IRS1: variants seen among roughly 807,000 people sequenced by gnomAD.
IRS1 encodes the protein insulin receptor substrate 1.
In IRS1, 34 loss-of-function variants were observed where a neutral mutation model predicts 65.6. The observed-to-expected ratio is 0.52, with a 90% CI of 0.39 to 0.69. The LOEUF (loss-of-function observed/expected upper bound fraction) is 0.69. IRS1 is among the 30% of genes least tolerant of loss of function. The pLI is 0.00. For synonymous variants in IRS1, 699 were observed against 683.5 expected (o/e 1.02, Z -0.35); for missense variants, 1,641 against 1,720.2 (o/e 0.95, Z 0.81).
At chr2:226,786,876 G>A (rs561648641) in intron 1 of IRS1, among the ~76,000 whole-genome samples, 1 of 151,040 alleles carries the variant, frequency 6.6e-6, no homozygotes, top group East Asian at 1.9e-4. Context: ...TCAAAACAGA[G>A]GGAGAAAAAT....
At chr2:226,790,548 T>G (rs1939570126) in intron 1 of IRS1, among the ~76,000 whole-genome samples, 1 of 152,170 alleles carries the variant, frequency 6.6e-6, no homozygotes, top group Admixed American at 6.5e-5. Context: ...ACAGAGAAAC[T>G]CTCTCCCACT....
intron 1 of IRS1, among the ~76,000 whole-genome samples, chr2:226,763,352 G>C (rs909296379): frequency 2.0e-5 from 3 of 152,028 alleles, no homozygotes; most frequent in Non-Finnish European, 4.4e-5. Context: ...GATTCTCACA[G>C]TCCTGCATTA....
rs554619219 is a variant in IRS1 at position 226,760,801 on chromosome 2, G to A, written c.*22-24551C>T. Reference sequence around the variant, plus strand: ...TTGCTTTTTTAAAAAATTGAATTATGTACTTTTATTAGACACCAAACAATT... The same window carrying A: ...TTGCTTTTTTAAAAAATTGAATTATATACTTTTATTAGACACCAAACAATT... On this transcript the variant is annotated intron_variant, in intron 1 of 1. Transcript: ENST00000305123. 2.6e-5 allele frequency among the ~76,000 whole-genome samples: 4 copies of A among 152,224 alleles called. No individual in the cohort carries two copies. In the South Asian group the frequency reaches 6.2e-4, roughly 24 times the overall value.
chr2:226,777,048 A>T (rs1939287517), intron 1 of IRS1, among the ~76,000 whole-genome samples: 1 of 152,220 alleles, frequency 6.6e-6, no homozygotes, highest in African/African-American at 2.4e-5. Flanking sequence ...GCCTAAGGAG[A>T]CACATAATAT....
At chr2:226,749,878 A>G (rs1290767612) in intron 1 of IRS1, among the ~76,000 whole-genome samples, 2 of 152,174 alleles carry the variant, frequency 1.3e-5, no homozygotes, top group Non-Finnish European at 2.9e-5. Context: ...ATGAATTAAT[A>G]TGGACAGAGC....
intron 1 of IRS1, among the ~76,000 whole-genome samples, chr2:226,770,911 A>G (rs1939150869): frequency 6.6e-6 from 1 of 151,870 alleles, no homozygotes; most frequent in East Asian, 1.9e-4. Flanking sequence ...AATAAACTGG[A>G]CTCTTTGGAA....
Position 226,735,579 on chromosome 2 carries a change from C to A in IRS1, c.*693G>T, listed in dbSNP as rs1419776066. 1 of 152,592 alleles carries A rather than the reference C, an allele frequency of 6.6e-6. No individual in the cohort carries two copies. Among genetic ancestry groups the A allele is most frequent in the African/African-American group, 2.4e-5 (1 of 41,440 alleles). The allele number at this position is 152,592 out of a possible 1,614,324, so 9.5% of individuals were successfully genotyped here. A position where few individuals can be genotyped will look rare whatever the true frequency, so the allele number is the denominator to read the frequency against. On this transcript the variant is annotated 3_prime_UTR_variant, in exon 2 of 2. Transcript: ENST00000305123. Reference sequence around the variant, plus strand: ...GATAGTATCAGCAAATATAACTATACAATTGAGAACCATCTATGGCACTAT... The same window carrying A: ...GATAGTATCAGCAAATATAACTATAAAATTGAGAACCATCTATGGCACTAT...
Position 226,731,886 on chromosome 2 carries a change from T to A in IRS1, c.*4386A>T, listed in dbSNP as rs1204489454. 2.6e-5 allele frequency: 4 copies of A among 152,120 alleles called. No homozygotes were observed. The highest frequency in any genetic ancestry group is 4.4e-5 in the Non-Finnish European group (3 of 68,010). 9.4% of individuals were successfully genotyped at this position (152,120 alleles called of 1,614,324 possible). On this transcript the variant is annotated 3_prime_UTR_variant, in exon 2 of 2. Coordinates refer to ENST00000305123, the MANE Select transcript of IRS1 (RefSeq NM_005544.3). ...ATGTCTATGCAAATATGGACAAGTT[T>A]TCCTGTTTACTGAATTTGTCCTATC...
intron 1 of IRS1, among the ~76,000 whole-genome samples, chr2:226,770,925 T>A (rs1441888929): frequency 2.0e-5 from 3 of 152,148 alleles, no homozygotes; most frequent in African/African-American, 4.8e-5. Context: ...TTTGGAAGGC[T>A]GAGGTGGGAG....
In IRS1 at chr2:226,797,542, G is replaced by A. The variant is rs1477207908; in HGVS notation, c.1197C>T (p.Gly399=). 6.2e-7 allele frequency: 1 copy of A among 1,607,982 alleles called. No individual in the cohort carries two copies. Among genetic ancestry groups the A allele is most frequent in the Admixed American group, 1.7e-5 (1 of 59,740 alleles). ...PVSLSSSSTS[G]HGSTSDCLFP... Reference sequence around the variant, plus strand: ...AGAGACAATCCGAGGTGGAGCCATGGCCACTGGTGCTACTGGACGACAGAC... The same window carrying A: ...AGAGACAATCCGAGGTGGAGCCATGACCACTGGTGCTACTGGACGACAGAC... Residue 399 remains glycine, a synonymous_variant, in exon 1 of 2, where the codon GGC becomes GGT. Coordinates refer to ENST00000305123, the MANE Select transcript of IRS1 (RefSeq NM_005544.3). This position sits in a 1 kb window ranked among gnomAD's most constrained non-coding sequence, Gnocchi z 8.1.
At chr2:226,754,608 T>C (rs1000818074) in intron 1 of IRS1, among the ~76,000 whole-genome samples, 1 of 152,188 alleles carries the variant, frequency 6.6e-6, no homozygotes, top group Non-Finnish European at 1.5e-5. Context: ...CAAAAATTTA[T>C]AGACAATGCT....
rs1470711767 is a variant in IRS1 at position 226,784,376 on chromosome 2, A to G, written c.*21+10613T>C. 2.0e-5 allele frequency among the ~76,000 whole-genome samples: 3 copies of G among 152,114 alleles called. No homozygotes were observed. The East Asian group carries it at 5.8e-4, about 29-fold the overall frequency. ...TAAGTCACCAAAAAAACGATCAAAC[A>G]CTGACGATTCTAATTCAAATGTTTT... On this transcript the variant is annotated intron_variant, in intron 1 of 1. Coordinates refer to ENST00000305123, the MANE Select transcript of IRS1 (RefSeq NM_005544.3).
rs544482654 is a variant in IRS1 at position 226,734,090 on chromosome 2, C to G, written c.*2182G>C. The G allele has an allele frequency of 5.9e-5, 9 of 152,218 alleles. No homozygotes were observed. The highest frequency in any genetic ancestry group is 2.2e-4 in the African/African-American group (9 of 41,550). The allele number at this position is 152,218 out of a possible 1,614,324, so 9.4% of individuals were successfully genotyped here. On this transcript the variant is annotated 3_prime_UTR_variant, in exon 2 of 2. Coordinates refer to ENST00000305123, the MANE Select transcript of IRS1 (RefSeq NM_005544.3). ...ACTTTGTTCATTGATTTCTCTTTAA[C>G]TATTTCAGTCCTCAAAGGAAAAGAG...
chr2:226,789,854 C>A (rs556854823), intron 1 of IRS1, among the ~76,000 whole-genome samples: 26 of 152,168 alleles, frequency 1.7e-4, no homozygotes, highest in Non-Finnish European at 3.1e-4. Context: ...GCTGGTCGAT[C>A]AGGAGGGTTT....
intron 1 of IRS1, among the ~76,000 whole-genome samples, chr2:226,788,944 T>A (rs1266331537): frequency 1.3e-5 from 2 of 152,208 alleles, no homozygotes; most frequent in Non-Finnish European, 2.9e-5. Context: ...CAGGATCTAT[T>A]ATTTTACATG....
In IRS1 at chr2:226,797,606, G is replaced by A; in HGVS notation, c.1133C>T (p.Pro378Leu). ...PLNHSRSIPM[P>L]ASRCSPSATS... ...GGCCGAAGGCGAGCAGCGGGAAGCC[G>A]GCATGGGGATGGAGCGGCTGTGGTT... The change falls in exon 1 of 2, where the codon CCG (proline) becomes CTG (leucine). Residue 378 changes from proline (P) to leucine (L), a missense_variant. Coordinates refer to ENST00000305123, the MANE Select transcript of IRS1 (RefSeq NM_005544.3). The surrounding 1 kb of genome is among the most constrained non-coding windows in gnomAD (Gnocchi z 8.1). 1 of 1,588,610 alleles carries A rather than the reference G, an allele frequency of 6.3e-7. No homozygotes were observed.
Position 226,797,237 on chromosome 2 carries a change from C to T in IRS1, c.1502G>A (p.Gly501Asp), listed in dbSNP as rs753061916. The T allele has an allele frequency of 3.6e-5, 58 of 1,613,432 alleles. No individual in the cohort carries two copies. Among genetic ancestry groups the T allele is most frequent in the Non-Finnish European group, 4.7e-5 (56 of 1,179,962 alleles). The change falls in exon 1 of 2, where the codon GGC (glycine) becomes GAC (aspartate). Residue 501 changes from glycine (G) to aspartate (D), a missense_variant. Physicochemically the swap from Gly to Asp is moderately conservative, Grantham distance 94 (BLOSUM62 -1). Around this residue, in one of 3 missense-constraint regions of IRS1, gnomAD observed 1,324 missense variants for 1,361.0 expected, o/e 0.97. Coordinates refer to ENST00000305123, the MANE Select transcript of IRS1 (RefSeq NM_005544.3). The surrounding 1 kb of genome is among the most constrained non-coding windows in gnomAD (Gnocchi z 8.1). ...ATCCCCAGCCAAGGCTGGACTCGTGCCCAAGCCTGTTCCTGGGGTGCAGCG... is the reference window on the plus strand; with the variant it reads ...ATCCCCAGCCAAGGCTGGACTCGTGTCCAAGCCTGTTCCTGGGGTGCAGCG... ...GHRCTPGTGL[G>D]TSPALAGDEA... is the part of the protein sequence containing the mutation.
intron 1 of IRS1, among the ~76,000 whole-genome samples, chr2:226,755,439 C>G (rs551931146): frequency 2.5e-4 from 38 of 152,308 alleles, no homozygotes; most frequent in African/African-American, 5.3e-4. Flanking sequence ...TTATGCACAT[C>G]ATTCTAGTTG....
intron 1 of IRS1, among the ~76,000 whole-genome samples, chr2:226,783,737 T>G (rs996502026): frequency 6.7e-6 from 1 of 149,224 alleles, no homozygotes; most frequent in African/African-American, 2.5e-5. Context: ...TCACAGTAAG[T>G]CAAAAAATAC....
Sources: allele counts gnomAD v4.1 joint callset (sites outside exome capture counted in the v4.1 genomes callset), GRCh38; gene constraint gnomAD v4.1.1; regional missense constraint gnomAD v4.1.1; non-coding constraint Gnocchi (gnomAD v3.1); transcripts MANE v1.5; gene names NCBI Gene and HGNC (gene_info 2026-07-23, HGNC 2026-07-21).